The following GP2 variants were observed in gnomAD, a reference collection of about 807,000 sequenced individuals.
GP2 encodes pancreatic secretory granule membrane major glycoprotein GP2.
Under a neutral mutation model 60.8 loss-of-function variants are expected in GP2, and 58 were observed. The ratio of observed to expected loss-of-function variants is 0.95; its 90% CI spans 0.77 to 1.19. GP2 has a LOEUF of 1.19. GP2 is among the 50% of genes most tolerant of loss of function. The pLI is 0.00. For missense variants in GP2, 647 were observed against 667.4 expected (o/e 0.97, Z 0.34); for synonymous variants, 280 against 253.4 (o/e 1.10, Z -1.00).
At position 20,318,377 on chromosome 16, in the gene GP2, A is replaced by G. The variant is rs756396524; in HGVS notation, c.1061T>C (p.Leu354Pro). ...ATTCGTGTAGTTCTGGTCTTGGAAG[A>G]GGGCCATCCTGACAATGAACTCTCC... Reference protein sequence around the residue: ...GNGEFIVRMALFQDQNYTNPY... With the variant: ...GNGEFIVRMAPFQDQNYTNPY... Residue 354 changes from leucine to proline, a missense_variant, in exon 7 of 11, where the codon CTC becomes CCC. Transcript: ENST00000302555. The G allele has an allele frequency of 6.2e-7, 1 of 1,612,624 alleles. No individual in the cohort carries two copies. Among genetic ancestry groups the G allele is most frequent in the South Asian group, 1.1e-5 (1 of 91,042 alleles).
Position 20,311,217 on chromosome 16 carries a change from G to T in GP2, c.*6C>A. ...AAACTTCAAGGCCAGATGCTCAGCG[G>T]AGCTCTCAGAACAGCCAAGCCAGGA... On this transcript the variant is annotated 3_prime_UTR_variant, in exon 11 of 11. Coordinates refer to ENST00000302555, the MANE Select transcript of GP2 (RefSeq NM_001502.4). The T allele has an allele frequency of 6.3e-7, 1 of 1,596,928 alleles. No homozygotes were observed. Among genetic ancestry groups the T allele is most frequent in the Non-Finnish European group, 8.6e-7 (1 of 1,164,446 alleles).
Position 20,327,450 on chromosome 16 carries a change from C to A in GP2, c.-37+17G>T, listed in dbSNP as rs1157815777. On this transcript the variant is annotated intron_variant, in intron 1 of 10. Transcript: ENST00000302555. The stretch of plus-strand genomic sequence containing the variant: ...AGGATTAGGAGGAAGCCTCCTGGGG[C>A]TTAAAGCAGGACTTACCTCCGATGA... 1 of 1,282,200 alleles carries A rather than the reference C, an allele frequency of 7.8e-7. No individual in the cohort carries two copies. The highest frequency in any genetic ancestry group is 1.2e-5 in the South Asian group (1 of 80,146). 79.4% of individuals were successfully genotyped at this position (1,282,200 alleles called of 1,614,324 possible).
chr16:20,316,675 C>A (rs559377186), intron 8 of GP2, among the ~76,000 whole-genome samples: 2 of 152,116 alleles, frequency 1.3e-5, no homozygotes, highest in South Asian at 2.1e-4. Flanking sequence ...ATCTAGTAGA[C>A]AGATTTCTTT....
chr16:20,319,475 A>C lies in GP2; in HGVS notation c.1007+145T>G, dbSNP rs1331632467. 6.3e-6 allele frequency: 4 copies of C among 635,154 alleles called. No individual in the cohort carries two copies. The East Asian group carries it at 1.0e-4, about 16-fold the overall frequency. The allele number at this position is 635,154 out of a possible 1,614,324, so 39.3% of individuals were successfully genotyped here. A position where few individuals can be genotyped will look rare whatever the true frequency, so the allele number is the denominator to read the frequency against. ...AACATCTTTAATATACAATCAATGA[A>C]TACTTGTGGAATGAATGACTGAATG... is the stretch of plus-strand genomic sequence containing the variant. On this transcript the variant is annotated intron_variant, in intron 6 of 10. Coordinates refer to ENST00000302555, the MANE Select transcript of GP2 (RefSeq NM_001502.4).
In GP2 at chr16:20,318,299, C is replaced by T; in HGVS notation, c.1139G>A (p.Gly380Asp). 1 of 1,613,770 alleles carries T rather than the reference C, an allele frequency of 6.2e-7. No homozygotes were observed. The highest frequency in any genetic ancestry group is 8.5e-7 in the Non-Finnish European group (1 of 1,179,642). Residue 380 changes from glycine to aspartate, a missense_variant, in exon 7 of 11, where the codon GGT becomes GAT. Coordinates refer to ENST00000302555, the MANE Select transcript of GP2 (RefSeq NM_001502.4). Reference sequence around the variant, plus strand: ...GGTGTCCCCTTGTTCCAAGATGGCACCCACATACAGCACGGACTCAACAGA... The same window carrying T: ...GGTGTCCCCTTGTTCCAAGATGGCATCCACATACAGCACGGACTCAACAGA... ...ELSVESVLYV[G>D]AILEQGDTSR...
rs951337586 is a variant in GP2, at chr16:20,310,494, A to C, written c.*729T>G. ...AACAATCAGAGGAAGCAGAGTGAAC[A>C]CAAGGGTCAGTTTCTTCAATTCATG... On this transcript the variant is annotated 3_prime_UTR_variant, in exon 11 of 11. Transcript: ENST00000302555. 3 of 152,222 alleles carry C rather than the reference A, an allele frequency of 2.0e-5. No homozygotes were observed. The highest frequency in any genetic ancestry group is 7.2e-5 in the African/African-American group (3 of 41,448). 9.4% of individuals were successfully genotyped at this position (152,222 alleles called of 1,614,324 possible).
intron 4 of GP2, among the ~76,000 whole-genome samples, chr16:20,321,051 CTTT>C (rs34930372): frequency 2.9e-5 from 4 of 135,768 alleles, no homozygotes; most frequent in African/African-American, 5.4e-5. Context: ...CTCTGTCTCT[CTTT>C]TTTTTTTTTT....
Position 20,316,044 on chromosome 16 carries a change from T to C in GP2, c.1417-4A>G. 1 of 1,590,342 alleles carries C rather than the reference T, an allele frequency of 6.3e-7. No homozygotes were observed. On this transcript the variant is annotated splice_polypyrimidine_tract_variant and splice_region_variant and intron_variant, in intron 8 of 10. Coordinates refer to ENST00000302555, the MANE Select transcript of GP2 (RefSeq NM_001502.4). ...GGACTTGACTTCTTGAGCAAGACTG[T>C]AGGGATGATGAACTTTTATTATATC...
chr16:20,321,948 G>T (rs747981323), intron 4 of GP2, among the ~76,000 whole-genome samples: 2 of 152,144 alleles, frequency 1.3e-5, no homozygotes, highest in African/African-American at 4.8e-5. Context: ...ACTCTGTGAT[G>T]GGCCCAAACC....
At chr16:20,317,029 G>A (rs1964196959) in intron 8 of GP2, among the ~76,000 whole-genome samples, 184 bp downstream of exon 8, 1 of 128,558 alleles carries the variant, frequency 7.8e-6, no homozygotes, top group Admixed American at 9.1e-5. Flanking sequence ...CTTCCCTTCT[G>A]TCCATCCTTC....
rs1276537940 is a variant in GP2, at chr16:20,311,139, T to C, written c.*84A>G. The C allele has an allele frequency of 1.2e-6, 1 of 838,074 alleles. No homozygotes were observed. Among genetic ancestry groups the C allele is most frequent in the African/African-American group, 1.7e-5 (1 of 59,760 alleles). 51.9% of individuals were successfully genotyped at this position (838,074 alleles called of 1,614,324 possible). ...TCTATTAATACCAAGCCTGTGTGAA[T>C]TGGAGTGGAAAGCAGAAGTGCTGAA... is the stretch of plus-strand genomic sequence containing the variant. On this transcript the variant is annotated 3_prime_UTR_variant, in exon 11 of 11. Coordinates refer to ENST00000302555, the MANE Select transcript of GP2 (RefSeq NM_001502.4).
At chr16:20,315,257 C>T (rs1964126981) in intron 9 of GP2, among the ~76,000 whole-genome samples, 1 of 152,120 alleles carries the variant, frequency 6.6e-6, no homozygotes. Flanking sequence ...TGACAAAGTG[C>T]CAGGCACAAA....
In GP2 at chr16:20,309,859, T is replaced by C. The variant is rs1393794704; in HGVS notation, c.*1364A>G. The C allele has an allele frequency of 6.6e-6, 1 of 152,090 alleles. No homozygotes were observed. Among genetic ancestry groups the C allele is most frequent in the African/African-American group, 2.4e-5 (1 of 41,404 alleles). The allele number at this position is 152,090 out of a possible 1,614,324, so 9.4% of individuals were successfully genotyped here. ...CCTGAGAAATTGTGGTGGGTTTCTG[T>C]TTCTTGCAACTACACCATCTCTGAA... is the stretch of plus-strand genomic sequence containing the variant. On this transcript the variant is annotated 3_prime_UTR_variant, in exon 11 of 11. Coordinates refer to ENST00000302555, the MANE Select transcript of GP2 (RefSeq NM_001502.4).
In GP2 at chr16:20,311,264, G is replaced by A. The variant is rs1421842203; in HGVS notation, c.1564C>T (p.Pro522Ser). The A allele has an allele frequency of 3.7e-6, 6 of 1,607,162 alleles. No homozygotes were observed. The East Asian group carries it at 1.3e-4, about 36-fold the overall frequency. Residue 522 changes from proline (P) to serine (S), a missense_variant, in exon 11 of 11, where the codon CCT becomes TCT. Coordinates refer to ENST00000302555, the MANE Select transcript of GP2 (RefSeq NM_001502.4). ...AGGAGGACAGTCAGGAGGACCATAGGCCAGGCCACCAGGAACCCTGAAATA... is the reference window on the plus strand; with the variant it reads ...AGGAGGACAGTCAGGAGGACCATAGACCAGGCCACCAGGAACCCTGAAATA... ...PSTAGFLVAW[P>S]MVLLTVLLAW... is the part of the protein sequence containing the mutation.
chr16:20,311,243 G>A lies in GP2; in HGVS notation c.1585C>T (p.Leu529Phe). 2 of 1,610,004 alleles carry A rather than the reference G, an allele frequency of 1.2e-6. No individual in the cohort carries two copies. Among genetic ancestry groups the A allele is most frequent in the Non-Finnish European group, 1.7e-6 (2 of 1,176,368 alleles). The stretch of plus-strand genomic sequence containing the variant: ...AGCTCTCAGAACAGCCAAGCCAGGA[G>A]GACAGTCAGGAGGACCATAGGCCAG... ...VAWPMVLLTVLLAWLF is the reference protein window; with the variant it reads ...VAWPMVLLTVFLAWLF Residue 529 changes from leucine to phenylalanine, a missense_variant, in exon 11 of 11, where the codon CTC (leucine) becomes TTC (phenylalanine). Coordinates refer to ENST00000302555, the MANE Select transcript of GP2 (RefSeq NM_001502.4).
At chr16:20,320,901 T>C (rs1014341742) in intron 4 of GP2, among the ~76,000 whole-genome samples, 1 of 152,160 alleles carries the variant, frequency 6.6e-6, no homozygotes, top group Non-Finnish European at 1.5e-5. Context: ...ACAACACTTA[T>C]CAAAACTGAA....
intron 7 of GP2, 60 bp from the exon 8 acceptor site, chr16:20,317,435 GAGTCCCTC>G (rs1964219372): frequency 7.5e-7 from 1 of 1,325,252 alleles, no homozygotes; most frequent in Admixed American, 1.8e-5. Flanking sequence ...GAAAATTAAA[GAGTCCCTC>G]GGGTTCCCTC....
Position 20,320,292 on chromosome 16 carries a change from G to A in GP2, c.828C>T (p.Val276=). The A allele has an allele frequency of 6.2e-7, 1 of 1,613,998 alleles. No individual in the cohort carries two copies. Among genetic ancestry groups the A allele is most frequent in the Non-Finnish European group, 8.5e-7 (1 of 1,179,902 alleles). The change falls in exon 5 of 11, where the codon GTC becomes GTT. Residue 276 remains valine (V), a synonymous_variant. Coordinates refer to ENST00000302555, the MANE Select transcript of GP2 (RefSeq NM_001502.4). ...GAATGTTCCTGCAGGCACTAGCCTG[G>A]ACGGGGCTGGTCACAGATACCCAGT... The part of the protein sequence containing the change: ...ERNWVSVTSP[V]QASACRNILE...
chr16:20,320,239 G>A (rs752292031), intron 5 of GP2, 23 bp downstream of exon 5: 1 of 1,541,190 alleles, frequency 6.5e-7, no homozygotes, highest in South Asian at 1.1e-5. Context: ...CCTTCTGGCA[G>A]CAGTGGTGTG....
Sources: allele counts gnomAD v4.1 joint callset (sites outside exome capture counted in the v4.1 genomes callset), GRCh38; gene constraint gnomAD v4.1.1; transcripts MANE v1.5; gene names NCBI Gene and HGNC (gene_info 2026-07-23, HGNC 2026-07-21).